The following DOCK11 variants were observed in gnomAD, a reference collection of about 807,000 sequenced individuals.
DOCK11 encodes the protein dedicator of cytokinesis 11.
In DOCK11, 70 loss-of-function variants were observed where a neutral mutation model predicts 169.1. That is an observed-to-expected ratio of 0.41 (90% CI 0.34 to 0.51). DOCK11 has a LOEUF of 0.51. DOCK11 is among the 20% of genes least tolerant of loss of function. The pLI, the probability that DOCK11 is intolerant of heterozygous loss-of-function variation, is 0.10. For synonymous variants in DOCK11, 529 were observed against 541.3 expected, an observed-to-expected ratio of 0.98 and a Z score of 0.32; for missense variants, 1,166 against 1,538.8, an observed-to-expected ratio of 0.76 and a Z score of 4.05.
intron 1 of DOCK11, among the ~76,000 whole-genome samples, chrX:118,503,697 G>C (rs2057591166): frequency 9.9e-6 from 1 of 101,229 alleles, no homozygotes; most frequent in Non-Finnish European, 2.0e-5. Flanking sequence ...GTTCTCGAGG[G>C]CAGAGGTGGA....
intron 46 of DOCK11, 118 bp downstream of exon 46, chrX:118,671,263 C>T: frequency 1.6e-6 from 1 of 617,979 alleles, no homozygotes; most frequent in Non-Finnish European, 2.4e-6. Context: ...ATATAAGGTT[C>T]ATTACATTAT....
intron 10 of DOCK11, among the ~76,000 whole-genome samples, chrX:118,571,334 A>G (rs2013265982): frequency 9.0e-6 from 1 of 110,997 alleles, no homozygotes; most frequent in Non-Finnish European, 1.9e-5. Flanking sequence ...CTCCCAAATT[A>G]GAGACCACTG....
At position 118,676,046 on chromosome X, in the gene DOCK11, C is replaced by G; in HGVS notation, c.5310C>G (p.Gly1770=). ...LGTFFRVAFY[G]QSFFEEEDGK... ...CTTTCTTCAGAGTTGCCTTTTATGG[C>G]CAAGTAAGTGTACTTGAATCCATAA... The change falls in exon 47 of 53, where the codon GGC becomes GGG. Residue 1770 remains glycine, a synonymous_variant. Transcript: ENST00000276202. The G allele has an allele frequency of 8.8e-7, 1 of 1,137,707 alleles. No individual in the cohort carries two copies. The highest frequency in any genetic ancestry group is 1.2e-6 in the Non-Finnish European group (1 of 840,185). The allele number at this position is 1,137,707 out of a possible 1,213,427, so 93.8% of individuals were successfully genotyped here.
intron 23 of DOCK11, among the ~76,000 whole-genome samples, chrX:118,600,443 G>A (rs890112760): frequency 4.6e-5 from 5 of 108,232 alleles, no homozygotes; most frequent in Non-Finnish European, 9.6e-5. Context: ...AAAAAGATTA[G>A]GGCATCTGCC....
intron 10 of DOCK11, among the ~76,000 whole-genome samples, chrX:118,569,051 T>G (rs1356567169): frequency 2.8e-5 from 3 of 108,203 alleles, no homozygotes; most frequent in Admixed American, 1.0e-4. Flanking sequence ...TTTTTCTTCT[T>G]TCTTTCTTTC....
chrX:118,664,799 C>T (rs1178458219), intron 45 of DOCK11, among the ~76,000 whole-genome samples: 1 of 110,664 alleles, frequency 9.0e-6, no homozygotes, highest in Non-Finnish European at 1.9e-5. Context: ...AAGGACTGAA[C>T]CATGGGGGAA....
At chrX:118,564,452 T>C (rs2013009212) in intron 7 of DOCK11, among the ~76,000 whole-genome samples, 1 of 111,907 alleles carries the variant, frequency 8.9e-6, no homozygotes, top group African/African-American at 3.3e-5. Context: ...CATTTCTTTT[T>C]TCATGACAGA....
At chrX:118,573,757 T>C in intron 11 of DOCK11, 49 bp from the exon 12 acceptor site, 4 of 1,075,694 alleles carry the variant, frequency 3.7e-6, no homozygotes, top group South Asian at 2.1e-5. Flanking sequence ...CTCCCCGCCA[T>C]GCCCCCACTA....
intron 10 of DOCK11, 108 bp from the exon 11 acceptor site, chrX:118,572,215 G>A: frequency 1.5e-6 from 1 of 679,417 alleles, no homozygotes; most frequent in Non-Finnish European, 2.1e-6. Context: ...GGGTTCAAAT[G>A]AAGAATGGAC....
chrX:118,635,132 T>C (rs151201795), intron 35 of DOCK11, among the ~76,000 whole-genome samples: 8 of 112,207 alleles, frequency 7.1e-5, no homozygotes, highest in African/African-American at 2.6e-4. Context: ...ATAAAACAAT[T>C]GGAAAATTGG....
At chrX:118,614,651 A>G in intron 28 of DOCK11, 41 bp from the exon 29 acceptor site, 1 of 948,047 alleles carries the variant, frequency 1.1e-6, no homozygotes, top group Non-Finnish European at 1.5e-6. Context: ...AGACTTTTAG[A>G]ATTATGTAAT....
intron 20 of DOCK11, among the ~76,000 whole-genome samples, chrX:118,595,078 T>C (rs1194411784): frequency 9.0e-6 from 1 of 111,157 alleles, no homozygotes; most frequent in Non-Finnish European, 1.9e-5. Context: ...GTAGAACTAT[T>C]GGAGGGTTTT....
At chrX:118,623,288 A>C (rs1186422580) in intron 31 of DOCK11, among the ~76,000 whole-genome samples, 1 of 112,646 alleles carries the variant, frequency 8.9e-6, no homozygotes, top group Non-Finnish European at 1.9e-5. Context: ...GCCATGCAAA[A>C]GTAGAAATAG....
At chrX:118,555,724 GT>G (rs886700675) in intron 6 of DOCK11, among the ~76,000 whole-genome samples, 3 of 110,903 alleles carry the variant, frequency 2.7e-5, no homozygotes, top group Admixed American at 9.6e-5. Flanking sequence ...AAGTCCTGTG[GT>G]TTTTTTCCCC....
rs543345997 is a variant in DOCK11, at chrX:118,507,988, C to T, written c.102+11915C>T. On this transcript the variant is annotated intron_variant, in intron 1 of 52. Transcript: ENST00000276202. The stretch of plus-strand genomic sequence containing the variant: ...TTCTGTGTGGTTTTGGTGATGATCT[C>T]GCTCTATTGGGAAACAGTGTTTATT... Among the ~76,000 whole-genome samples the T allele has an allele frequency of 4.1e-4, 45 of 109,123 alleles. 1 individual carries two copies. In the South Asian group the frequency reaches 0.017, roughly 42 times the overall value. The allele number at this position is 109,123 out of a possible 115,157, so 94.8% of individuals were successfully genotyped here.
At chrX:118,609,404 A>G (rs2014621452) in intron 27 of DOCK11, 55 bp downstream of exon 27, 2 of 889,131 alleles carry the variant, frequency 2.2e-6, no homozygotes, top group Admixed American at 6.2e-5. Context: ...AATTGTATAT[A>G]TAAGAATAAT....
At chrX:118,527,146 A>G (rs994178535) in intron 1 of DOCK11, among the ~76,000 whole-genome samples, 1 of 112,279 alleles carries the variant, frequency 8.9e-6, no homozygotes, top group Non-Finnish European at 1.9e-5. Flanking sequence ...ATATACTTTT[A>G]TCATTAGATG....
At chrX:118,506,775 G>A (rs191168392) in intron 1 of DOCK11, among the ~76,000 whole-genome samples, 1 of 112,554 alleles carries the variant, frequency 8.9e-6, no homozygotes, top group Non-Finnish European at 1.9e-5. Flanking sequence ...TGTGGTAGCA[G>A]GATAAGTTCT....
intron 1 of DOCK11, among the ~76,000 whole-genome samples, chrX:118,523,216 G>A (rs148161291): frequency 0.01 from 1,158 of 112,004 alleles, 39 homozygotes; most frequent in Admixed American, 0.098. Flanking sequence ...AGGACATATG[G>A]TCACATGCTA....
Sources: allele counts gnomAD v4.1 joint callset (sites outside exome capture counted in the v4.1 genomes callset), GRCh38; gene constraint gnomAD v4.1.1; transcripts MANE v1.5; gene names NCBI Gene and HGNC (gene_info 2026-07-23, HGNC 2026-07-21).